Variants in SYNJ2 observed in about 807,000 individuals in gnomAD.
SYNJ2 encodes the protein polyphosphatidylinositol phosphatase SYNJ2.
SYNJ2 carries 116 observed loss-of-function variants against 141.3 expected under a neutral mutation model. The observed-to-expected ratio is 0.82, with a 90% CI of 0.71 to 0.96. The LOEUF (loss-of-function observed/expected upper bound fraction) is 0.96. Among genes scored for constraint, SYNJ2 ranks in the 40% least tolerant of loss-of-function variants. The pLI, the probability that SYNJ2 is intolerant of heterozygous loss-of-function variation, is 0.00. For missense variants in SYNJ2, 1,873 were observed against 1,934.8 expected, an observed-to-expected ratio of 0.97 and a Z score of 0.60; for synonymous variants, 745 against 777.7, an observed-to-expected ratio of 0.96 and a Z score of 0.70.
chr6:158,033,888 C>T (rs1020212094), intron 4 of SYNJ2, among the ~76,000 whole-genome samples: 2 of 152,206 alleles, frequency 1.3e-5, no homozygotes, highest in Non-Finnish European at 2.9e-5. Flanking sequence ...CTTTCTGATT[C>T]ACATCTCATG....
intron 16 of SYNJ2, among the ~76,000 whole-genome samples, chr6:158,075,268 C>T (rs532763861): frequency 2.5e-3 from 384 of 151,706 alleles, no homozygotes; most frequent in Non-Finnish European, 4.1e-3. Context: ...ATTTTAGTGC[C>T]TGTTTGCTTC....
Position 158,040,245 on chromosome 6 carries a change from T to C in SYNJ2, c.712-3071T>C, listed in dbSNP as rs1419960617. Among the ~76,000 whole-genome samples, 1 of 152,018 alleles carries C rather than the reference T, an allele frequency of 6.6e-6. No individual in the cohort carries two copies. On this transcript the variant is annotated intron_variant, in intron 4 of 26. Transcript: ENST00000355585. This position sits in a 1 kb window ranked among gnomAD's most constrained non-coding sequence, Gnocchi z 4.2. ...GTTGTACATGTGTGTATGTGTCATG[T>C]GCATTGTGCATTTGTGTATACATGT... is the stretch of plus-strand genomic sequence containing the variant.
intron 1 of SYNJ2, among the ~76,000 whole-genome samples, chr6:158,012,221 G>A (rs1462423795): frequency 6.6e-6 from 1 of 152,204 alleles, no homozygotes; most frequent in Non-Finnish European, 1.5e-5. Context: ...TGTGAGCAGA[G>A]GCAGGAGACC....
chr6:158,089,811 C>T (rs373955013), intron 24 of SYNJ2, 28 bp from the exon 25 acceptor site: 4 of 1,575,568 alleles, frequency 2.5e-6, no homozygotes, highest in Non-Finnish European at 3.5e-6. Flanking sequence ...TCTGCTGATA[C>T]TCTGCTCTTC....
chr6:158,087,080 C>A (rs914991123), intron 23 of SYNJ2, 91 bp downstream of exon 23: 27 of 1,458,998 alleles, frequency 1.9e-5, no homozygotes, highest in Non-Finnish European at 2.4e-5. Flanking sequence ...GAATCCACTT[C>A]TCCCCGGCCT....
chr6:158,053,290 C>T (rs114647051), intron 5 of SYNJ2, among the ~76,000 whole-genome samples: 2,527 of 152,276 alleles, frequency 0.017, 68 homozygotes, highest in African/African-American at 0.058. Context: ...ATATGTTTTC[C>T]CTTCCAACTA....
chr6:157,992,106 C>T (rs1777447838), intron 1 of SYNJ2, among the ~76,000 whole-genome samples: 1 of 152,198 alleles, frequency 6.6e-6, no homozygotes, highest in Non-Finnish European at 1.5e-5. Flanking sequence ...TCCCCTCACA[C>T]ATTTATCTTT....
At chr6:158,046,438 T>C (rs1432441348) in intron 5 of SYNJ2, among the ~76,000 whole-genome samples, 2 of 152,238 alleles carry the variant, frequency 1.3e-5, no homozygotes, top group Non-Finnish European at 2.9e-5. Flanking sequence ...CGGCTTCAAC[T>C]GTCACTATCA....
chr6:158,071,838 C>T lies in SYNJ2; in HGVS notation c.2133+44C>T. On this transcript the variant is annotated intron_variant, in intron 15 of 26. Coordinates refer to ENST00000355585, the MANE Select transcript of SYNJ2 (RefSeq NM_003898.4). This position sits in a 1 kb window ranked among gnomAD's most constrained non-coding sequence, Gnocchi z 4.3. Reference sequence around the variant, plus strand: ...ACAGCCAGCACCTCCCTGCTCAGCTCAGTCCCAAATGTGACTGTTGATAGG... The same window carrying T: ...ACAGCCAGCACCTCCCTGCTCAGCTTAGTCCCAAATGTGACTGTTGATAGG... 1.9e-6 allele frequency: 3 copies of T among 1,592,684 alleles called. No individual in the cohort carries two copies. Among genetic ancestry groups the T allele is most frequent in the Non-Finnish European group, 2.6e-6 (3 of 1,171,246 alleles).
In SYNJ2 at chr6:158,043,787, A is replaced by G. The variant is rs1365859112; in HGVS notation, c.795+388A>G. Reference sequence around the variant, plus strand: ...AGCCGTGACTCTCATGGAGGGCTTCAGGAAGGCTCTGTGGCTGCGTAGGTC... The same window carrying G: ...AGCCGTGACTCTCATGGAGGGCTTCGGGAAGGCTCTGTGGCTGCGTAGGTC... On this transcript the variant is annotated intron_variant, in intron 5 of 26. Coordinates refer to ENST00000355585, the MANE Select transcript of SYNJ2 (RefSeq NM_003898.4). This position sits in a 1 kb window ranked among gnomAD's most constrained non-coding sequence, Gnocchi z 4.0. Among the ~76,000 whole-genome samples the G allele has an allele frequency of 1.3e-5, 2 of 152,192 alleles. No homozygotes were observed. Among genetic ancestry groups the G allele is most frequent in the Admixed American group, 1.3e-4 (2 of 15,278 alleles).
intron 25 of SYNJ2, among the ~76,000 whole-genome samples, chr6:158,091,357 G>A (rs1783436385): frequency 6.6e-6 from 1 of 151,570 alleles, no homozygotes. Context: ...CTAAAACTAT[G>A]GATATAACAA....
chr6:158,059,313 G>A lies in SYNJ2; in HGVS notation c.914G>A (p.Gly305Glu), dbSNP rs1315208543. The change falls in exon 7 of 27, where the codon GGA (glycine) becomes GAA (glutamate). Residue 305 changes from glycine to glutamate, a missense_variant. Gly to Glu is a moderately conservative substitution (Grantham distance 98, BLOSUM62 -2). Coordinates refer to ENST00000355585, the MANE Select transcript of SYNJ2 (RefSeq NM_003898.4). ...CAGCAGGTGGTCGTGAACCTTCTGGGAAGCAGAGGCGGAGAGGAGGTGCTC... is the reference window on the plus strand; with the variant it reads ...CAGCAGGTGGTCGTGAACCTTCTGGAAAGCAGAGGCGGAGAGGAGGTGCTC... ...YGQQVVVNLLGSRGGEEVLNR... is the reference protein window; with the variant it reads ...YGQQVVVNLLESRGGEEVLNR... 1 of 1,550,968 alleles carries A rather than the reference G, an allele frequency of 6.4e-7. No homozygotes were observed. Among genetic ancestry groups the A allele is most frequent in the East Asian group, 2.4e-5 (1 of 40,946 alleles).
At position 158,064,695 on chromosome 6, in the gene SYNJ2, G is replaced by A. The variant is rs753033885; in HGVS notation, c.1304G>A (p.Gly435Asp). The A allele has an allele frequency of 6.2e-7, 1 of 1,614,076 alleles. No individual in the cohort carries two copies. The highest frequency in any genetic ancestry group is 1.1e-5 in the South Asian group (1 of 91,086). The change falls in exon 10 of 27, where the codon GGC becomes GAC. Residue 435 changes from glycine to aspartate, a missense_variant. Coordinates refer to ENST00000355585, the MANE Select transcript of SYNJ2 (RefSeq NM_003898.4). ...ESFKAMWSLNGHSLSKVFTGS... is the reference protein window; with the variant it reads ...ESFKAMWSLNDHSLSKVFTGS... ...TTCAAAGCCATGTGGTCTCTGAATGGCCACAGCCTGAGCAAGGTGTTCACA... is the reference window on the plus strand; with the variant it reads ...TTCAAAGCCATGTGGTCTCTGAATGACCACAGCCTGAGCAAGGTGTTCACA...
intron 12 of SYNJ2, among the ~76,000 whole-genome samples, chr6:158,067,029 G>GT (rs1781612882): frequency 6.6e-6 from 1 of 152,010 alleles, no homozygotes; most frequent in Non-Finnish European, 1.5e-5. Flanking sequence ...GTTGTTGTTT[G>GT]TTTTTTTGAG....
chr6:158,076,745 GC>G lies in SYNJ2; in HGVS notation c.2413del (p.Leu805CysfsTer19). ...GCACCCCCGCCTGGACAGACAGGGT[GC>G]TGTGGTGGAGGAAGAAACATCCCTT... Reference protein sequence around the residue: ...CRTPAWTDRVLWWRKKHPFDK... With the variant: ...CRTPAWTDRVXWWRKKHPFDK... On this transcript the variant is annotated frameshift_variant, in exon 17 of 27. Transcript: ENST00000355585. LOFTEE classifies it high-confidence loss of function. 1 of 1,614,086 alleles carries G rather than the reference GC, an allele frequency of 6.2e-7. No homozygotes were observed. Among genetic ancestry groups the G allele is most frequent in the South Asian group, 1.1e-5 (1 of 91,086 alleles).
intron 1 of SYNJ2, among the ~76,000 whole-genome samples, chr6:157,985,684 C>T (rs1392874893): frequency 6.6e-6 from 1 of 152,146 alleles, no homozygotes; most frequent in Non-Finnish European, 1.5e-5. Flanking sequence ...CGACAGTGTT[C>T]CAAAGTTCAA....
At chr6:158,078,479 G>A (rs957611212) in intron 18 of SYNJ2, 198 bp downstream of exon 18, 1 of 385,118 alleles carries the variant, frequency 2.6e-6, no homozygotes, top group African/African-American at 2.0e-5. Flanking sequence ...ATTAATCTTA[G>A]CATTTTGTCA....
rs140002983 is a variant in SYNJ2, at chr6:158,098,625, G to A, written c.*2261G>A. On this transcript the variant is annotated 3_prime_UTR_variant, in exon 27 of 27. Transcript: ENST00000355585. ...GGTAGGATTCCCAGGTCAGCAGCAGGGTTGATTAAATAATCTTGACAATGA... is the reference window on the plus strand; with the variant it reads ...GGTAGGATTCCCAGGTCAGCAGCAGAGTTGATTAAATAATCTTGACAATGA... The A allele has an allele frequency of 7.1e-3, 1,075 of 152,220 alleles. 16 individuals carry two copies. Among genetic ancestry groups the A allele is most frequent in the African/African-American group, 0.025 (1,026 of 41,522 alleles). 9.4% of individuals were successfully genotyped at this position (152,220 alleles called of 1,614,324 possible). A position where few individuals can be genotyped will look rare whatever the true frequency, so the allele number is the denominator to read the frequency against.
rs1408560328 is a variant in SYNJ2 at position 158,087,727 on chromosome 6, A to G, written c.3343+738A>G. Among the ~76,000 whole-genome samples, 4 of 152,356 alleles carry G rather than the reference A, an allele frequency of 2.6e-5. No homozygotes were observed. The East Asian group carries it at 5.8e-4, about 22-fold the overall frequency. ...CCAGATATAAAAATAACCCAAAAAT[A>G]AAATGCATAAGTCATGTATTATTGT... On this transcript the variant is annotated intron_variant, in intron 23 of 26. Transcript: ENST00000355585.
Sources: gnomAD v4.1 joint callset for allele counts (sites outside exome capture counted in the v4.1 genomes callset) on GRCh38, gnomAD v4.1.1 for gene constraint, Gnocchi (gnomAD v3.1) non-coding constraint, MANE v1.5 for transcripts, NCBI Gene and HGNC (gene_info 2026-07-23, HGNC 2026-07-21) for gene names.